PCDHA2: variants seen among roughly 807,000 people sequenced by gnomAD.
PCDHA2 encodes the protein protocadherin alpha 2, also known as protocadherin alpha-2.
Under a neutral mutation model 66.0 loss-of-function variants are expected in PCDHA2, and 58 were observed. That is an observed-to-expected ratio of 0.88 (90% CI 0.71 to 1.09). The LOEUF is 1.09. Ranked by LOEUF, PCDHA2 falls within the 50% of genes least tolerant of loss-of-function variation. The probability of loss-of-function intolerance (pLI) is 0.00; values close to 1 mark genes in which losing one functional copy is unlikely to be tolerated. For synonymous variants in PCDHA2, 634 were observed against 554.0 expected, an observed-to-expected ratio of 1.14 and a Z score of -2.03; for missense variants, 1,267 against 1,242.3, an observed-to-expected ratio of 1.02 and a Z score of -0.30.
chr5:140,941,492 T>G (rs1446870882), intron 1 of PCDHA2, among the ~76,000 whole-genome samples: 18 of 151,592 alleles, frequency 1.2e-4, no homozygotes, highest in Admixed American at 1.2e-3. Flanking sequence ...ATTTTTTGTA[T>G]TTTTAGTAGA....
chr5:140,823,197 CA>C (rs2150123316), intron 1 of PCDHA2: 69 of 1,613,746 alleles, frequency 4.3e-5, no homozygotes, highest in Non-Finnish European at 5.6e-5. Context: ...GCCACATCTT[CA>C]CGGTGTCTGC....
At chr5:140,836,351 G>C (rs151141737) in intron 1 of PCDHA2, 18 of 1,613,578 alleles carry the variant, frequency 1.1e-5, no homozygotes, top group Non-Finnish European at 1.5e-5. Flanking sequence ...ACCACGGGGA[G>C]CCCTCGCTGA....
intron 1 of PCDHA2, among the ~76,000 whole-genome samples, chr5:140,931,648 T>G (rs1258876806): frequency 6.6e-6 from 1 of 152,014 alleles, no homozygotes; most frequent in African/African-American, 2.4e-5. Context: ...TGCTAATAAT[T>G]GTTGTGGGCT....
At chr5:141,008,568 T>C (rs1430525508) in intron 3 of PCDHA2, among the ~76,000 whole-genome samples, 2 of 152,220 alleles carry the variant, frequency 1.3e-5, no homozygotes, top group African/African-American at 4.8e-5. Flanking sequence ...GCATAATCAT[T>C]TTCCCAAGAC....
rs2150529065 is a variant in PCDHA2, at chr5:140,853,159, G to A, written c.2388+55807G>A. On this transcript the variant is annotated intron_variant, in intron 1 of 3. Coordinates refer to ENST00000526136, the MANE Select transcript of PCDHA2 (RefSeq NM_018905.3). ...CTCCCAAAATGCTGGGATTACAGGC[G>A]TGAGCCACCGCGCCTGGCCTAAAAT... is the stretch of plus-strand genomic sequence containing the variant. The A allele has an allele frequency of 3.8e-5, 35 of 925,908 alleles. 4 individuals are homozygous for A. In the African/African-American group the frequency reaches 3.9e-4, roughly 10 times the overall value. 57.4% of individuals were successfully genotyped at this position (925,908 alleles called of 1,614,324 possible).
At chr5:140,986,738 G>T (rs1483741648) in intron 3 of PCDHA2, among the ~76,000 whole-genome samples, 1 of 152,168 alleles carries the variant, frequency 6.6e-6, no homozygotes, top group Admixed American at 6.5e-5. Flanking sequence ...AAGACCCCAG[G>T]GGATCTGGGA....
At chr5:140,798,086 G>A (rs2149931451) in intron 1 of PCDHA2, among the ~76,000 whole-genome samples, 1 of 152,130 alleles carries the variant, frequency 6.6e-6, no homozygotes. Context: ...TGGCCAGGCT[G>A]GTCTCAAACT....
intron 1 of PCDHA2, chr5:140,807,057 T>C: frequency 4.6e-6 from 5 of 1,093,648 alleles, no homozygotes; most frequent in Non-Finnish European, 6.6e-6. Context: ...CTATTCTTAC[T>C]GGAAGGAACC....
chr5:140,872,087 A>C (rs2053480826), intron 1 of PCDHA2, among the ~76,000 whole-genome samples: 2 of 152,304 alleles, frequency 1.3e-5, no homozygotes, highest in East Asian at 1.9e-4. Flanking sequence ...GTGCCACTGC[A>C]CTTAGTCCAT....
intron 1 of PCDHA2, chr5:140,828,899 G>A: frequency 6.2e-7 from 1 of 1,614,256 alleles, no homozygotes; most frequent in Non-Finnish European, 8.5e-7. Flanking sequence ...TTCTGATCGG[G>A]ATGAAGGAGC....
chr5:140,877,706 T>TG (rs781796819), intron 1 of PCDHA2: 16 of 1,613,800 alleles, frequency 9.9e-6, no homozygotes, highest in Non-Finnish European at 1.4e-5. Context: ...TCCAGCGCCG[T>TG]GGGGAGTTGG....
At chr5:140,829,217 G>C (rs2150164060) in intron 1 of PCDHA2, 54 of 1,614,086 alleles carry the variant, frequency 3.3e-5, no homozygotes, top group Non-Finnish European at 4.3e-5. Flanking sequence ...TAGCGTGAAC[G>C]ACCTCGATTC....
At chr5:140,933,265 A>G (rs2088994304) in intron 1 of PCDHA2, among the ~76,000 whole-genome samples, 1 of 152,000 alleles carries the variant, frequency 6.6e-6, no homozygotes, top group East Asian at 1.9e-4. Context: ...AGGTTATTAT[A>G]TATTCATTTG....
At chr5:140,846,369 C>CTTTTTTTTTTTTTTTTTT (rs797033964) in intron 1 of PCDHA2, among the ~76,000 whole-genome samples, 2 of 102,192 alleles carry the variant, frequency 2.0e-5, no homozygotes, top group South Asian at 3.3e-4. Flanking sequence ...TCTTTTCTTT[C>CTTTTTTTTTTTTTTTTTT]TTTCTTTTTT....
intron 3 of PCDHA2, among the ~76,000 whole-genome samples, chr5:141,002,289 G>A (rs1468757497): frequency 1.3e-5 from 2 of 152,204 alleles, no homozygotes; most frequent in East Asian, 3.8e-4. Flanking sequence ...GGATGAATGG[G>A]GAGCAAAGGG....
intron 1 of PCDHA2, chr5:140,868,981 G>A: frequency 2.0e-6 from 3 of 1,492,274 alleles, no homozygotes; most frequent in South Asian, 2.8e-5. Flanking sequence ...CATCATACCG[G>A]ATGCCACCGT....
intron 1 of PCDHA2, among the ~76,000 whole-genome samples, chr5:140,943,500 G>T (rs907493905): frequency 6.6e-6 from 1 of 152,048 alleles, no homozygotes; most frequent in Non-Finnish European, 1.5e-5. Flanking sequence ...TGCTATCAAG[G>T]TTCATGGAAA....
At chr5:140,802,825 C>A (rs374629500) in intron 1 of PCDHA2, 9 of 1,613,472 alleles carry the variant, frequency 5.6e-6, no homozygotes, top group East Asian at 2.2e-5. Context: ...GCGGGCGTGC[C>A]GCCTCTGGGC....
chr5:140,823,024 G>T (rs2150121461), intron 1 of PCDHA2: 3 of 1,614,202 alleles, frequency 1.9e-6, no homozygotes, highest in East Asian at 2.2e-5. Flanking sequence ...CCGCGAGAGC[G>T]TGTCGGTCTA....
Sources: gnomAD v4.1 joint callset for allele counts (sites outside exome capture counted in the v4.1 genomes callset) on GRCh38, gnomAD v4.1.1 for gene constraint, MANE v1.5 for transcripts, NCBI Gene and HGNC (gene_info 2026-07-23, HGNC 2026-07-21) for gene names.